The following ZFHX4 variants were observed in gnomAD, a reference collection of about 807,000 sequenced individuals.
ZFHX4 encodes zinc finger homeobox 4.
Under a neutral mutation model 267.6 loss-of-function variants are expected in ZFHX4, and 56 were observed. The observed-to-expected ratio is 0.21, with a 90% confidence interval of 0.17 to 0.26. The LOEUF is 0.26. Among genes scored for constraint, ZFHX4 ranks in the 10% least tolerant of loss-of-function variants. The probability of loss-of-function intolerance (pLI) is 1.00; values close to 1 mark genes in which losing one functional copy is unlikely to be tolerated. For missense variants in ZFHX4, 4,332 were observed against 4,420.0 expected (o/e 0.98, Z 0.56); for synonymous variants, 1,778 against 1,665.6 (o/e 1.07, Z -1.64).
rs1808660865 is a variant in ZFHX4, at chr8:76,719,361, A to G, written c.3093+11313A>G. The stretch of plus-strand genomic sequence containing the variant: ...AGTTCCTAGAGATAATAAACCTTTG[A>G]TGATGTTGTGCAAGACTCGTCAAGA... On this transcript the variant is annotated intron_variant, in intron 3 of 10. Coordinates refer to ENST00000651372, the MANE Select transcript of ZFHX4 (RefSeq NM_024721.5). 2.6e-5 allele frequency among the ~76,000 whole-genome samples: 4 copies of G among 152,056 alleles called. No individual in the cohort carries two copies. The South Asian group carries it at 8.3e-4, about 31-fold the overall frequency.
intron 3 of ZFHX4, among the ~76,000 whole-genome samples, chr8:76,712,778 A>G (rs1808460101): frequency 6.6e-6 from 1 of 152,188 alleles, no homozygotes; most frequent in Non-Finnish European, 1.5e-5. Context: ...GCACTTTTGT[A>G]TTAGTTTCAG....
chr8:76,785,556 T>C (rs747734053), intron 4 of ZFHX4, among the ~76,000 whole-genome samples: 15 of 152,180 alleles, frequency 9.9e-5, no homozygotes, highest in South Asian at 4.1e-4. Flanking sequence ...CTGAGAAGCG[T>C]AATACAAAGG....
chr8:76,708,044 A>G lies in ZFHX4; in HGVS notation c.3089A>G (p.Tyr1030Cys), dbSNP rs1396474968. The change falls in exon 3 of 11, where the codon TAC becomes TGC. Residue 1030 changes from tyrosine to cysteine, a missense_variant. Tyr to Cys is a radical substitution (Grantham distance 194). Around this residue, in one of 7 missense-constraint regions of ZFHX4, gnomAD observed 1,371 missense variants for 1,423.1 expected, o/e 0.96. Transcript: ENST00000651372. ...AGGCACGAGGCGGCCCTGAAGCTCT[A>G]CAAGGTAAGCAGTGACATCCATTTC... Reference protein sequence around the residue: ...NHRHEAALKLYKHLQKQEGAV... With the variant: ...NHRHEAALKLCKHLQKQEGAV... 4 of 1,613,178 alleles carry G rather than the reference A, an allele frequency of 2.5e-6. No individual in the cohort carries two copies. The highest frequency in any genetic ancestry group is 2.2e-5 in the South Asian group (2 of 91,082).
intron 4 of ZFHX4, among the ~76,000 whole-genome samples, chr8:76,824,098 TCA>T (rs1474994547): frequency 2.0e-5 from 3 of 152,194 alleles, no homozygotes; most frequent in Non-Finnish European, 4.4e-5. Context: ...TATTAATAGA[TCA>T]GTTTAAATTT....
In ZFHX4 at chr8:76,864,488, T is replaced by C. The variant is rs770710918; in HGVS notation, c.10774T>C (p.Leu3592=). Residue 3592 remains leucine (L), a synonymous_variant, in exon 11 of 11, where the codon TTG becomes CTG. Transcript: ENST00000651372. ...SQKLEDLDNS[L]EVKAKPASGL... ...GAAGCTAGAAGACTTAGATAATTCTTTGGAAGTGAAGGCTAAGCCTGCTTC... is the reference window on the plus strand; with the variant it reads ...GAAGCTAGAAGACTTAGATAATTCTCTGGAAGTGAAGGCTAAGCCTGCTTC... 42 of 1,613,452 alleles carry C rather than the reference T, an allele frequency of 2.6e-5. No individual in the cohort carries two copies. The highest frequency in any genetic ancestry group is 3.3e-5 in the Admixed American group (2 of 59,942).
At chr8:76,805,318 G>A (rs1397405485) in intron 4 of ZFHX4, among the ~76,000 whole-genome samples, 2 of 152,052 alleles carry the variant, frequency 1.3e-5, no homozygotes, top group Non-Finnish European at 2.9e-5. Flanking sequence ...CACTTTAGCT[G>A]TAATATTAAA....
chr8:76,827,534 CAG>C (rs1252769589), intron 4 of ZFHX4, among the ~76,000 whole-genome samples: 3 of 151,906 alleles, frequency 2.0e-5, no homozygotes, highest in Non-Finnish European at 4.4e-5. Context: ...TCAAAACAAT[CAG>C]AAATGAAATA....
intron 3 of ZFHX4, among the ~76,000 whole-genome samples, chr8:76,749,473 G>A (rs1439436135): frequency 1.3e-5 from 2 of 152,146 alleles, no homozygotes; most frequent in Non-Finnish European, 2.9e-5. Context: ...TTGATGAGAT[G>A]TTCAGAACTT....
At chr8:76,768,985 C>A (rs1195172421) in intron 3 of ZFHX4, among the ~76,000 whole-genome samples, 1 of 151,456 alleles carries the variant, frequency 6.6e-6, no homozygotes, top group East Asian at 1.9e-4. Flanking sequence ...GTAGTCCCAG[C>A]TACTTGGGAG....
At chr8:76,809,683 T>G (rs1811327018) in intron 4 of ZFHX4, among the ~76,000 whole-genome samples, 3 of 152,182 alleles carry the variant, frequency 2.0e-5, no homozygotes, top group African/African-American at 4.8e-5. Flanking sequence ...AGGCCACTAA[T>G]TGAAGGTGCT....
At chr8:76,738,544 C>T (rs1279432714) in intron 3 of ZFHX4, among the ~76,000 whole-genome samples, 1 of 152,090 alleles carries the variant, frequency 6.6e-6, no homozygotes. Context: ...ATCCATATTT[C>T]TTGTATAAAG....
intron 4 of ZFHX4, among the ~76,000 whole-genome samples, chr8:76,825,488 T>A (rs555637104): frequency 4.6e-5 from 7 of 152,222 alleles, no homozygotes; most frequent in Non-Finnish European, 1.0e-4. Context: ...TTGAACAACG[T>A]AGGTTTCTGA....
chr8:76,770,930 C>T (rs909384321), intron 3 of ZFHX4, among the ~76,000 whole-genome samples: 2 of 151,986 alleles, frequency 1.3e-5, no homozygotes, highest in Non-Finnish European at 2.9e-5. Flanking sequence ...TGGGTTGAAG[C>T]CATCATCATG....
At chr8:76,821,845 T>C (rs1489443345) in intron 4 of ZFHX4, among the ~76,000 whole-genome samples, 3 of 152,210 alleles carry the variant, frequency 2.0e-5, no homozygotes, top group Non-Finnish European at 4.4e-5. Flanking sequence ...AGCTTTGGTA[T>C]GCCTTTTGTA....
rs1391658811 is a variant in ZFHX4, at chr8:76,775,994, A to G, written c.3094-2214A>G. Reference sequence around the variant, plus strand: ...TGGCCTGCTGTTCTTAACACAGCGGAGTGACAAGAAACGAGGTTCTGTTCT... The same window carrying G: ...TGGCCTGCTGTTCTTAACACAGCGGGGTGACAAGAAACGAGGTTCTGTTCT... On this transcript the variant is annotated intron_variant, in intron 3 of 10. Transcript: ENST00000651372. 4.6e-5 allele frequency among the ~76,000 whole-genome samples: 7 copies of G among 150,790 alleles called. No homozygotes were observed. In the Admixed American group the frequency reaches 4.7e-4, roughly 10 times the overall value.
chr8:76,740,608 G>C (rs1040935826), intron 3 of ZFHX4, among the ~76,000 whole-genome samples: 1 of 152,138 alleles, frequency 6.6e-6, no homozygotes. Context: ...GAAATGGGGA[G>C]AGGGGAAGTA....
intron 4 of ZFHX4, among the ~76,000 whole-genome samples, chr8:76,822,573 C>T (rs1811680736): frequency 6.7e-6 from 1 of 149,928 alleles, no homozygotes; most frequent in South Asian, 2.1e-4. Context: ...CTGAGTAACT[C>T]GGACTACAGG....
chr8:76,835,869 G>C (rs915803427), intron 5 of ZFHX4, among the ~76,000 whole-genome samples: 1 of 152,104 alleles, frequency 6.6e-6, no homozygotes, highest in Non-Finnish European at 1.5e-5. Context: ...ATCTGTCTGA[G>C]AATCTTTGGA....
intron 1 of ZFHX4, among the ~76,000 whole-genome samples, chr8:76,688,658 T>C (rs1807751264): frequency 6.6e-6 from 1 of 152,136 alleles, no homozygotes; most frequent in Admixed American, 6.5e-5. Context: ...ACAGTTAAAA[T>C]ACCATAAGTG....
Sources: allele counts gnomAD v4.1 joint callset (sites outside exome capture counted in the v4.1 genomes callset), GRCh38; gene constraint gnomAD v4.1.1; regional missense constraint gnomAD v4.1.1; transcripts MANE v1.5; gene names NCBI Gene and HGNC (gene_info 2026-07-23, HGNC 2026-07-21).